Variants in CENPW observed in about 807,000 individuals in gnomAD.
The protein encoded by CENPW is centromere protein W.
CENPW carries 3 observed loss-of-function variants against 11.1 expected under a neutral mutation model. The observed-to-expected ratio is 0.27, with a 90% CI of 0.12 to 0.70. The LOEUF (loss-of-function observed/expected upper bound fraction) is 0.70, where lower values mean the gene tolerates loss of function less well. Ranked by LOEUF, CENPW falls within the 30% of genes least tolerant of loss-of-function variation. The pLI, the probability that CENPW is intolerant of heterozygous loss-of-function variation, is 0.77. For missense variants in CENPW, 100 were observed against 105.6 expected, an observed-to-expected ratio of 0.95 and a Z score of 0.23; for synonymous variants, 38 against 42.0, an observed-to-expected ratio of 0.91 and a Z score of 0.37.
chr6:126,435,454 G>A, the CENPW span, among the ~76,000 whole-genome samples: 5 of 151,422 alleles, frequency 3.3e-5, no homozygotes, highest in Non-Finnish European at 7.4e-5. Context: ...CTGCCTTCCT[G>A]GTGGTCTACT....
the CENPW span, among the ~76,000 whole-genome samples, chr6:126,457,182 C>T: frequency 6.6e-6 from 1 of 151,406 alleles, no homozygotes; most frequent in African/African-American, 2.4e-5. Flanking sequence ...CCAGCAATTC[C>T]ATTATTGGGT....
the CENPW span, among the ~76,000 whole-genome samples, chr6:126,367,554 AG>A: frequency 6.6e-6 from 1 of 152,178 alleles, no homozygotes; most frequent in Non-Finnish European, 1.5e-5. Flanking sequence ...AAACCTTAAG[AG>A]TAACTCCAGA....
At chr6:126,369,752 TC>T in the CENPW span, among the ~76,000 whole-genome samples, 1 of 152,252 alleles carries the variant, frequency 6.6e-6, no homozygotes, top group African/African-American at 2.4e-5. Flanking sequence ...GCTCATTGTT[TC>T]TTTTGCTGTG....
the CENPW span, among the ~76,000 whole-genome samples, chr6:126,410,643 G>T: frequency 1.5e-4 from 23 of 151,104 alleles, no homozygotes; most frequent in African/African-American, 5.6e-4. Context: ...TCAAATATTT[G>T]TTTGCTTAAG....
chr6:126,359,647 G>C, the CENPW span, among the ~76,000 whole-genome samples: 1 of 151,900 alleles, frequency 6.6e-6, no homozygotes, highest in Non-Finnish European at 1.5e-5. Flanking sequence ...TCTTATTGTT[G>C]AATTGTTCTG....
chr6:126,410,107 G>A, the CENPW span, among the ~76,000 whole-genome samples: 2 of 151,694 alleles, frequency 1.3e-5, no homozygotes, highest in Admixed American at 1.3e-4. Flanking sequence ...ATTTCTCCAT[G>A]TTTTCATGAT....
chr6:126,413,618 A>G, the CENPW span, among the ~76,000 whole-genome samples: 2 of 152,008 alleles, frequency 1.3e-5, no homozygotes, highest in African/African-American at 4.8e-5. Context: ...AAATATGATA[A>G]TTACTATCAT....
At chr6:126,453,648 T>C in the CENPW span, among the ~76,000 whole-genome samples, 1 of 151,012 alleles carries the variant, frequency 6.6e-6, no homozygotes, top group Non-Finnish European at 1.5e-5. Flanking sequence ...ATCACACAAA[T>C]AAGTCAGCAT....
the CENPW span, among the ~76,000 whole-genome samples, chr6:126,426,669 A>T: frequency 6.6e-6 from 1 of 152,194 alleles, no homozygotes; most frequent in African/African-American, 2.4e-5. Flanking sequence ...TTAGATATTC[A>T]TAAGGATAAA....
At chr6:126,470,848 G>T in the CENPW span, among the ~76,000 whole-genome samples, 2 of 152,340 alleles carry the variant, frequency 1.3e-5, no homozygotes, top group East Asian at 3.9e-4. Context: ...AGGGCCTGTG[G>T]CCCCTTTGTT....
At chr6:126,404,854 GTTTT>G in the CENPW span, among the ~76,000 whole-genome samples, 1 of 137,792 alleles carries the variant, frequency 7.3e-6, no homozygotes, top group Non-Finnish European at 1.6e-5. Flanking sequence ...AAGTATTTGG[GTTTT>G]TTTTTTTTTT....
chr6:126,451,490 T>TA, the CENPW span, among the ~76,000 whole-genome samples: 1 of 151,076 alleles, frequency 6.6e-6, no homozygotes, highest in African/African-American at 2.4e-5. Context: ...AAAAGGAAAT[T>TA]AAACTTCTTA....
chr6:126,451,367 C>A, the CENPW span, among the ~76,000 whole-genome samples: 1 of 150,934 alleles, frequency 6.6e-6, no homozygotes, highest in African/African-American at 2.4e-5. Flanking sequence ...ACAGGTTTAT[C>A]ATTTTTCTCC....
At chr6:126,430,203 G>T in the CENPW span, among the ~76,000 whole-genome samples, 1 of 152,048 alleles carries the variant, frequency 6.6e-6, no homozygotes, top group African/African-American at 2.4e-5. Flanking sequence ...TGATTTATTC[G>T]CATCATGTCT....
chr6:126,361,420 A>G, the CENPW span, among the ~76,000 whole-genome samples: 1 of 151,784 alleles, frequency 6.6e-6, no homozygotes, highest in African/African-American at 2.4e-5. Context: ...CTCAACCTCC[A>G]GGGGAGCTGG....
the CENPW span, among the ~76,000 whole-genome samples, chr6:126,453,614 A>C: frequency 2.6e-5 from 4 of 151,294 alleles, no homozygotes; most frequent in African/African-American, 9.7e-5. Flanking sequence ...ACTTAAGTAC[A>C]TAGACCAGTG....
chr6:126,406,795 T>A, the CENPW span, among the ~76,000 whole-genome samples: 1 of 151,302 alleles, frequency 6.6e-6, no homozygotes, highest in African/African-American at 2.4e-5. Flanking sequence ...GAGGTTGCAG[T>A]GAGCCAAGAT....
the CENPW span, among the ~76,000 whole-genome samples, chr6:126,389,134 T>C: frequency 2.2e-4 from 33 of 152,060 alleles, no homozygotes; most frequent in African/African-American, 7.5e-4. Context: ...CTTGTATGCA[T>C]TGGCTACCTT....
chr6:126,356,765 A>AT, the CENPW span, among the ~76,000 whole-genome samples: 189 of 152,030 alleles, frequency 1.2e-3, 6 homozygotes, highest in East Asian at 0.036. Context: ...TTCTTTGCCC[A>AT]TTTTTTAATG....
Sources: gnomAD v4.1 joint callset for allele counts (sites outside exome capture counted in the v4.1 genomes callset) on GRCh38, gnomAD v4.1.1 for gene constraint, MANE v1.5 for transcripts, NCBI Gene and HGNC (gene_info 2026-07-23, HGNC 2026-07-21) for gene names.